The following BRD4 variants were observed in gnomAD, a reference collection of about 807,000 sequenced individuals.
The protein encoded by BRD4 is bromodomain-containing protein 4.
A neutral mutation model predicts 142.1 loss-of-function variants in BRD4; 16 were observed. The ratio of observed to expected loss-of-function variants is 0.11; its 90% confidence interval spans 0.08 to 0.17. The LOEUF (loss-of-function observed/expected upper bound fraction) is 0.17. Ranked by LOEUF, BRD4 falls within the 10% of genes least tolerant of loss-of-function variation. The pLI is 1.00. For synonymous variants in BRD4, 833 were observed against 707.5 expected, an observed-to-expected ratio of 1.18 and a Z score of -2.82; for missense variants, 1,424 against 1,810.9, an observed-to-expected ratio of 0.79 and a Z score of 3.88.
chr19:15,317,314 G>A (rs999926275), intron 1 of BRD4, among the ~76,000 whole-genome samples: 19 of 152,214 alleles, frequency 1.2e-4, no homozygotes, highest in Non-Finnish European at 4.4e-5. Flanking sequence ...GTGTGCTCAA[G>A]CTCAGGGTCT....
Position 15,265,653 on chromosome 19 carries a change from A to C in BRD4, c.560-10T>G. 6.2e-7 allele frequency: 1 copy of C among 1,614,080 alleles called. No individual in the cohort carries two copies. Among genetic ancestry groups the C allele is most frequent in the Non-Finnish European group, 8.5e-7 (1 of 1,179,976 alleles). On this transcript the variant is annotated splice_polypyrimidine_tract_variant and intron_variant, in intron 4 of 19. Transcript: ENST00000679869. ...CCAGGTTTTGCTGTCCCTACAAATC[A>C]TAATAAGACGGCGAGTTAGAGACCA...
chr19:15,262,744 T>A (rs75074964), intron 7 of BRD4, among the ~76,000 whole-genome samples: 17 of 151,722 alleles, frequency 1.1e-4, no homozygotes, highest in African/African-American at 2.9e-4. Flanking sequence ...ACAAAAAAAA[T>A]AGAAAAGATG....
intron 1 of BRD4, among the ~76,000 whole-genome samples, chr19:15,318,135 A>G (rs1017867433): frequency 3.3e-5 from 5 of 152,240 alleles, no homozygotes; most frequent in Non-Finnish European, 2.9e-5. Flanking sequence ...AGAAAGGGGA[A>G]ACTGCTTAAG....
chr19:15,331,116 C>A (rs1033527278), intron 1 of BRD4, among the ~76,000 whole-genome samples: 1 of 152,114 alleles, frequency 6.6e-6, no homozygotes, highest in African/African-American at 2.4e-5. Flanking sequence ...GACACCCCAC[C>A]AGGCTGCACG....
intron 1 of BRD4, among the ~76,000 whole-genome samples, chr19:15,284,662 A>G (rs2047727524): frequency 6.6e-6 from 1 of 152,136 alleles, no homozygotes; most frequent in African/African-American, 2.4e-5. Context: ...GGCCCTCCAC[A>G]CACATTCAGT....
chr19:15,288,215 T>C (rs2047754738), intron 1 of BRD4, among the ~76,000 whole-genome samples: 1 of 152,180 alleles, frequency 6.6e-6, no homozygotes, highest in Admixed American at 6.5e-5. Flanking sequence ...CATGTTTCAG[T>C]CCCTGCTTTC....
At chr19:15,314,498 T>C (rs903362900) in intron 1 of BRD4, among the ~76,000 whole-genome samples, 4 of 152,114 alleles carry the variant, frequency 2.6e-5, no homozygotes, top group African/African-American at 4.8e-5. Flanking sequence ...GACTCTTATT[T>C]CCGACGTCCT....
intron 11 of BRD4, chr19:15,253,025 T>TA (rs2047364235): frequency 4.4e-6 from 1 of 227,162 alleles, no homozygotes; most frequent in African/African-American, 2.2e-5. Context: ...CTAGTTAGAA[T>TA]AAAATCCCAG....
chr19:15,269,823 C>T (rs1005956105), intron 2 of BRD4, among the ~76,000 whole-genome samples: 14 of 152,180 alleles, frequency 9.2e-5, no homozygotes, highest in South Asian at 4.1e-4. Context: ...TTAAAGTGCC[C>T]GAAATCAAAC....
intron 11 of BRD4, chr19:15,253,905 C>CTGGT (rs1415505547): frequency 1.2e-6 from 1 of 866,290 alleles, no homozygotes; most frequent in African/African-American, 1.7e-5. Context: ...GGCCATTCAT[C>CTGGT]CTCCATGACC....
intron 1 of BRD4, among the ~76,000 whole-genome samples, chr19:15,290,039 CAT>C (rs1345748336): frequency 6.6e-6 from 1 of 152,126 alleles, no homozygotes; most frequent in Non-Finnish European, 1.5e-5. Flanking sequence ...CATTAAAAAC[CAT>C]ATGACTGCCT....
chr19:15,243,224 T>C lies in BRD4; in HGVS notation c.2845A>G (p.Lys949Glu). The C allele has an allele frequency of 7.3e-7, 1 of 1,361,794 alleles. No homozygotes were observed. Among genetic ancestry groups the C allele is most frequent in the Non-Finnish European group, 9.8e-7 (1 of 1,020,776 alleles). The allele number at this position is 1,361,794 out of a possible 1,614,324, so 84.4% of individuals were successfully genotyped here. The change falls in exon 14 of 20, where the codon AAG becomes GAG. Residue 949 changes from lysine to glutamate, a missense_variant. Lys to Glu is a moderately conservative substitution (Grantham distance 56). This residue lies in a region of BRD4 where 598 missense variants were observed against 647.8 expected (regional missense o/e 0.92). Transcript: ENST00000679869. ...GGGGGTGGGGGCTGGGACTGCACCTTCACGGAAGGGAGTAGCGGCGTAGGG... is the reference window on the plus strand; with the variant it reads ...GGGGGTGGGGGCTGGGACTGCACCTCCACGGAAGGGAGTAGCGGCGTAGGG... Reference protein sequence around the residue: ...QPPTPLLPSVKVQSQPPPPLP... With the variant: ...QPPTPLLPSVEVQSQPPPPLP...
In BRD4 at chr19:15,268,968, C is replaced by A. The variant is rs748114590; in HGVS notation, c.360G>T (p.Trp120Cys). 6.2e-7 allele frequency: 1 copy of A among 1,614,110 alleles called. No homozygotes were observed. Among genetic ancestry groups the A allele is most frequent in the East Asian group, 2.2e-5 (1 of 44,884 alleles). Reference protein sequence around the residue: ...IKKRLENNYYWNAQECIQDFN... With the variant: ...IKKRLENNYYCNAQECIQDFN... Reference sequence around the variant, plus strand: ...AGTCCTGGATACATTCCTGAGCATTCCAGTAATAGTTGTTTTCCAAGCGCT... The same window carrying A: ...AGTCCTGGATACATTCCTGAGCATTACAGTAATAGTTGTTTTCCAAGCGCT... The change falls in exon 3 of 20, where the codon TGG (tryptophan) becomes TGT (cysteine). Residue 120 changes from tryptophan (W) to cysteine (C), a missense_variant. Coordinates refer to ENST00000679869, the MANE Select transcript of BRD4 (RefSeq NM_001379291.1).
chr19:15,270,832 C>T (rs2047579434), intron 2 of BRD4, among the ~76,000 whole-genome samples: 1 of 152,194 alleles, frequency 6.6e-6, no homozygotes, highest in Admixed American at 6.5e-5. Flanking sequence ...CAGCCCCCAC[C>T]AAATGCCCTG....
Position 15,243,161 on chromosome 19 carries a change from G to A in BRD4, c.2908C>T (p.Leu970=). The change falls in exon 14 of 20, where the codon CTG becomes TTG. Residue 970 remains leucine (L), a synonymous_variant. Transcript: ENST00000679869. ...GGGGGTGGTGGCGGCTGCTGCTGCA[G>A]CTGCTGCTGCACAGAGGGGTGGGGT... is the stretch of plus-strand genomic sequence containing the variant. ...PPPHPSVQQQ[L]QQQPPPPPPP... The A allele has an allele frequency of 9.8e-7, 1 of 1,022,620 alleles. No homozygotes were observed. The highest frequency in any genetic ancestry group is 3.2e-4 in the Middle Eastern group (1 of 3,108). The allele number at this position is 1,022,620 out of a possible 1,614,324, so 63.3% of individuals were successfully genotyped here.
intron 14 of BRD4, among the ~76,000 whole-genome samples, chr19:15,242,076 A>G (rs2145507785): frequency 6.6e-6 from 1 of 152,222 alleles, no homozygotes; most frequent in Admixed American, 6.5e-5. Flanking sequence ...GGCCTCCCAA[A>G]GTGCTGGGAT....
At chr19:15,304,979 A>G (rs1451664894) in intron 1 of BRD4, among the ~76,000 whole-genome samples, 1 of 152,090 alleles carries the variant, frequency 6.6e-6, no homozygotes, top group Non-Finnish European at 1.5e-5. Context: ...CACCAACCGT[A>G]AAACAAAGAT....
chr19:15,276,861 A>G (rs2047652605), intron 1 of BRD4, among the ~76,000 whole-genome samples: 1 of 152,094 alleles, frequency 6.6e-6, no homozygotes, highest in Non-Finnish European at 1.5e-5. Flanking sequence ...AATACTGTGG[A>G]GGAGAAGGGC....
chr19:15,307,495 G>A (rs763510558), intron 1 of BRD4, among the ~76,000 whole-genome samples: 2 of 152,182 alleles, frequency 1.3e-5, no homozygotes, highest in South Asian at 4.1e-4. Context: ...CACCTGCTTA[G>A]GTAGTATATT....
Sources: gnomAD v4.1 joint callset for allele counts (sites outside exome capture counted in the v4.1 genomes callset) on GRCh38, gnomAD v4.1.1 for gene constraint, gnomAD v4.1.1 regional missense constraint, MANE v1.5 for transcripts, NCBI Gene and HGNC (gene_info 2026-07-23, HGNC 2026-07-21) for gene names.